The following HECTD2 variants were observed in gnomAD, a reference collection of about 807,000 sequenced individuals.
The protein encoded by HECTD2 is probable E3 ubiquitin-protein ligase HECTD2.
In HECTD2, 35 loss-of-function variants were observed where a neutral mutation model predicts 103.2. The ratio of observed to expected loss-of-function variants is 0.34; its 90% confidence interval spans 0.26 to 0.45. The LOEUF is 0.45. Among genes scored for constraint, HECTD2 ranks in the 20% least tolerant of loss-of-function variants. The pLI is 1.00. For missense variants in HECTD2, 596 were observed against 937.4 expected, an observed-to-expected ratio of 0.64 and a Z score of 4.76; for synonymous variants, 281 against 329.9, an observed-to-expected ratio of 0.85 and a Z score of 1.61.
At chr10:91,489,359 C>A (rs2133307902) in intron 11 of HECTD2, 1 of 152,238 alleles carries the variant, frequency 6.6e-6, no homozygotes, top group Non-Finnish European at 1.5e-5. Flanking sequence ...TATTTTGACA[C>A]AAGGACAATC....
rs1381638519 is a variant in HECTD2 at position 91,513,458 on chromosome 10, A to T, written c.*1074A>T. ...AAAAATAAAATTCAACGTTTTGGCC[A>T]AAATGTTTGTTTTTCACTGGATTCT... On this transcript the variant is annotated 3_prime_UTR_variant, in exon 21 of 21. Transcript: ENST00000298068. 1.3e-5 allele frequency: 2 copies of T among 152,630 alleles called. No individual in the cohort carries two copies. Among genetic ancestry groups the T allele is most frequent in the Non-Finnish European group, 2.9e-5 (2 of 68,020 alleles). The allele number at this position is 152,630 out of a possible 1,614,324, so 9.5% of individuals were successfully genotyped here.
intron 6 of HECTD2, among the ~76,000 whole-genome samples, chr10:91,479,377 AAAG>A (rs1049735552): frequency 1.8e-4 from 28 of 152,324 alleles, no homozygotes; most frequent in Middle Eastern, 6.8e-3. Flanking sequence ...GTCTCAAAAA[AAAG>A]AAGAAAGTAA....
In HECTD2 at chr10:91,478,221, A is replaced by C; in HGVS notation, c.621A>C (p.Thr207=). The stretch of plus-strand genomic sequence containing the variant: ...TACAGCCTCAAGACGTTCAGAAGAC[A>C]GTATTAAAGGGAATCATTAACAGCC... ...LLNTPQDVQK[T]VLKGIINSLL... The change falls in exon 6 of 21, where the codon ACA becomes ACC. Residue 207 remains threonine (T), a synonymous_variant. Coordinates refer to ENST00000298068, the MANE Select transcript of HECTD2 (RefSeq NM_182765.6). The C allele has an allele frequency of 6.2e-7, 1 of 1,610,776 alleles. No homozygotes were observed. The highest frequency in any genetic ancestry group is 8.5e-7 in the Non-Finnish European group (1 of 1,177,210).
intron 16 of HECTD2, among the ~76,000 whole-genome samples, chr10:91,498,518 C>G (rs1846771006): frequency 6.6e-6 from 1 of 152,092 alleles, no homozygotes. Context: ...ATGAGTCAGA[C>G]CAAAACTCTC....
rs952498185 is a variant in HECTD2, at chr10:91,512,209, A to C, written c.2211-55A>C. On this transcript the variant is annotated intron_variant, in intron 20 of 20. Coordinates refer to ENST00000298068, the MANE Select transcript of HECTD2 (RefSeq NM_182765.6). ...CTGGTATTTTTTAAAGTTGCATAGC[A>C]GTCATTTTGTGTGTGTTTCAAGACT... 5.7e-6 allele frequency: 9 copies of C among 1,576,514 alleles called. No homozygotes were observed. The African/African-American group carries it at 1.2e-4, about 22-fold the overall frequency.
chr10:91,410,592 G>T lies in HECTD2; in HGVS notation c.138+16G>T, dbSNP rs1842878157. The T allele has an allele frequency of 4.0e-6, 5 of 1,244,578 alleles. No homozygotes were observed. The highest frequency in any genetic ancestry group is 5.0e-6 in the Non-Finnish European group (5 of 1,009,372). The allele number at this position is 1,244,578 out of a possible 1,614,324, so 77.1% of individuals were successfully genotyped here. A position where few individuals can be genotyped will look rare whatever the true frequency, so the allele number is the denominator to read the frequency against. On this transcript the variant is annotated intron_variant, in intron 1 of 20. Transcript: ENST00000298068. ...CGCGACCGCGGTAGGTGGTGGGCCG[G>T]GGCCGTCTGGCGCCCCGGACGGCGG...
intron 8 of HECTD2, among the ~76,000 whole-genome samples, 153 bp downstream of exon 8, chr10:91,483,229 C>T (rs1846156675): frequency 6.6e-6 from 1 of 151,936 alleles, no homozygotes; most frequent in Non-Finnish European, 1.5e-5. Context: ...CAAAAATCTA[C>T]TTTAGTACTA....
intron 5 of HECTD2, among the ~76,000 whole-genome samples, chr10:91,466,962 G>T (rs1780915716): frequency 6.6e-6 from 1 of 152,020 alleles, no homozygotes; most frequent in African/African-American, 2.4e-5. Context: ...ATGCAGCCAG[G>T]AGGAACATCT....
chr10:91,455,193 A>G (rs527745821), intron 2 of HECTD2, among the ~76,000 whole-genome samples: 26 of 152,332 alleles, frequency 1.7e-4, no homozygotes, highest in Admixed American at 1.1e-3. Flanking sequence ...CAAACAGGGT[A>G]AAAGTGTTCC....
Position 91,478,234 on chromosome 10 carries a change from A to C in HECTD2, c.634A>C (p.Ile212Leu). ...CGTTCAGAAGACAGTATTAAAGGGA[A>C]TCATTAACAGCCTGTTACGAGAATG... ...QDVQKTVLKG[I>L]INSLLREWKG... The change falls in exon 6 of 21, where the codon ATC (isoleucine) becomes CTC (leucine). Residue 212 changes from isoleucine (I) to leucine (L), a missense_variant. Physicochemically the swap from Ile to Leu is conservative, Grantham distance 5 (BLOSUM62 2). Around this residue, in one of 4 missense-constraint regions of HECTD2, gnomAD observed 303 missense variants for 522.5 expected, o/e 0.58. Transcript: ENST00000298068. 1 of 1,610,240 alleles carries C rather than the reference A, an allele frequency of 6.2e-7. No homozygotes were observed. The highest frequency in any genetic ancestry group is 1.3e-5 in the African/African-American group (1 of 74,966).
chr10:91,416,356 C>T (rs1024677452), intron 1 of HECTD2, among the ~76,000 whole-genome samples: 3 of 152,154 alleles, frequency 2.0e-5, no homozygotes, highest in East Asian at 1.9e-4. Context: ...TTATTAAAGT[C>T]GTGTGTCACA....
intron 2 of HECTD2, among the ~76,000 whole-genome samples, chr10:91,433,133 A>G (rs1212101379): frequency 6.6e-6 from 1 of 151,982 alleles, no homozygotes; most frequent in African/African-American, 2.4e-5. Flanking sequence ...ATTTTAGACT[A>G]AATCTCTAAG....
rs1236576194 is a variant in HECTD2 at position 91,410,450 on chromosome 10, G to A, written c.12G>A (p.Ala4=). The A allele has an allele frequency of 6.2e-6, 9 of 1,451,128 alleles. No individual in the cohort carries two copies. The Admixed American group carries it at 1.8e-4, about 28-fold the overall frequency. The allele number at this position is 1,451,128 out of a possible 1,614,324, so 89.9% of individuals were successfully genotyped here. Residue 4 remains alanine (A), a synonymous_variant, in exon 1 of 21, where the codon GCG becomes GCA. Transcript: ENST00000298068. ...CCGCCCGGCCCGACATGAGTGAGGC[G>A]GTTCGGGTACCCTCGCCCGCCACTC... The part of the protein sequence containing the change: MSE[A]VRVPSPATPL...
chr10:91,435,833 A>G (rs1459527139), intron 2 of HECTD2, among the ~76,000 whole-genome samples: 2 of 151,738 alleles, frequency 1.3e-5, no homozygotes, highest in African/African-American at 2.4e-5. Context: ...TGTATTTTCT[A>G]TCCTTTCTTT....
chr10:91,438,130 C>T (rs1443111758), intron 2 of HECTD2, among the ~76,000 whole-genome samples: 2 of 151,400 alleles, frequency 1.3e-5, no homozygotes, highest in African/African-American at 2.4e-5. Flanking sequence ...ATGTGCAGAA[C>T]GTGCAAGTTT....
At chr10:91,477,398 ATAAACT>A (rs1845947937) in intron 5 of HECTD2, among the ~76,000 whole-genome samples, 4 of 152,340 alleles carry the variant, frequency 2.6e-5, no homozygotes, top group Non-Finnish European at 4.4e-5. Context: ...ATTTGTGGTC[ATAAACT>A]TAAAGTATGT....
Position 91,410,353 on chromosome 10 carries a change from T to TCGCGGC in HECTD2, c.-79_-74dup, listed in dbSNP as rs1028680402. On this transcript the variant is annotated 5_prime_UTR_variant, in exon 1 of 21. Coordinates refer to ENST00000298068, the MANE Select transcript of HECTD2 (RefSeq NM_182765.6). ...CTAGAAGCGGCAGCCCAGAGCCCTC[T>TCGCGGC]CGCGGCCGCGGCGGCAGCAGCAGCG... 1.1e-6 allele frequency: 1 copy of TCGCGGC among 871,388 alleles called. No homozygotes were observed. The highest frequency in any genetic ancestry group is 1.8e-5 in the African/African-American group (1 of 54,646). 54.0% of individuals were successfully genotyped at this position (871,388 alleles called of 1,614,324 possible). A position where few individuals can be genotyped will look rare whatever the true frequency, so the allele number is the denominator to read the frequency against.
At chr10:91,464,019 A>G (rs1845446535) in intron 5 of HECTD2, among the ~76,000 whole-genome samples, 1 of 152,204 alleles carries the variant, frequency 6.6e-6, no homozygotes, top group African/African-American at 2.4e-5. Flanking sequence ...TAAGAAACAG[A>G]ATTAACCTAA....
chr10:91,455,250 A>G (rs1845031544), intron 2 of HECTD2, among the ~76,000 whole-genome samples: 1 of 152,066 alleles, frequency 6.6e-6, no homozygotes, highest in Admixed American at 6.6e-5. Flanking sequence ...TGACTTCTTA[A>G]TGATTGCCAT....
Sources: gnomAD v4.1 joint callset for allele counts (sites outside exome capture counted in the v4.1 genomes callset) on GRCh38, gnomAD v4.1.1 for gene constraint, gnomAD v4.1.1 regional missense constraint, MANE v1.5 for transcripts, NCBI Gene and HGNC (gene_info 2026-07-23, HGNC 2026-07-21) for gene names.